Variants in DLG2 observed in about 807,000 individuals in gnomAD.
DLG2 encodes the protein disks large homolog 2.
Under a neutral mutation model 132.5 loss-of-function variants are expected in DLG2, and 45 were observed. The observed-to-expected ratio is 0.34, with a 90% CI of 0.27 to 0.44. DLG2 has a LOEUF of 0.44. DLG2 is among the 20% of genes least tolerant of loss of function. The pLI is 1.00. For synonymous variants in DLG2, 424 were observed against 419.6 expected, an observed-to-expected ratio of 1.01 and a Z score of -0.13; for missense variants, 1,045 against 1,196.9, an observed-to-expected ratio of 0.87 and a Z score of 1.87.
chr11:85,066,932 GC>G (rs1437369568), intron 6 of DLG2, among the ~76,000 whole-genome samples: 2 of 151,710 alleles, frequency 1.3e-5, no homozygotes, highest in African/African-American at 2.4e-5. Context: ...CCTAGTTAGA[GC>G]CATCAGGCAA....
intron 6 of DLG2, among the ~76,000 whole-genome samples, chr11:84,753,607 G>C (rs1372675329): frequency 1.3e-5 from 2 of 152,188 alleles, no homozygotes; most frequent in Non-Finnish European, 2.9e-5. Flanking sequence ...GGATATCAAG[G>C]CAGAGCTATT....
intron 6 of DLG2, among the ~76,000 whole-genome samples, chr11:84,690,913 T>C (rs541841326): frequency 1.3e-4 from 20 of 152,018 alleles, no homozygotes; most frequent in African/African-American, 4.6e-4. Flanking sequence ...TTGTGGCATA[T>C]ATGATATTTT....
intron 20 of DLG2, among the ~76,000 whole-genome samples, chr11:83,533,729 A>G (rs2095815199): frequency 6.6e-6 from 1 of 152,212 alleles, no homozygotes; most frequent in African/African-American, 2.4e-5. Context: ...TAGGGGATAT[A>G]TAGGATAGGG....
chr11:84,375,229 A>G (rs1567455653), intron 7 of DLG2, among the ~76,000 whole-genome samples: 1 of 152,204 alleles, frequency 6.6e-6, no homozygotes, highest in African/African-American at 2.4e-5. Flanking sequence ...CTTTAAAAGA[A>G]GGGTTCTTGT....
chr11:84,051,972 T>A (rs566283037), intron 11 of DLG2, among the ~76,000 whole-genome samples: 15 of 151,726 alleles, frequency 9.9e-5, no homozygotes, highest in African/African-American at 3.4e-4. Flanking sequence ...ATCGTTTGAA[T>A]AAATGGAGAG....
At chr11:83,685,476 A>G (rs1189217417) in intron 18 of DLG2, among the ~76,000 whole-genome samples, 1 of 152,054 alleles carries the variant, frequency 6.6e-6, no homozygotes, top group Non-Finnish European at 1.5e-5. Context: ...TGAATCGATC[A>G]TTGTCTCTGT....
chr11:84,442,629 T>C (rs1011544735), intron 7 of DLG2, among the ~76,000 whole-genome samples: 2 of 151,670 alleles, frequency 1.3e-5, no homozygotes, highest in Admixed American at 1.3e-4. Flanking sequence ...TGTATACCTA[T>C]CTAACAAACT....
chr11:85,378,448 A>G (rs1364926460), intron 3 of DLG2, among the ~76,000 whole-genome samples: 1 of 152,132 alleles, frequency 6.6e-6, no homozygotes, highest in East Asian at 1.9e-4. Flanking sequence ...TCATATGTAA[A>G]ATGAAAATGA....
intron 6 of DLG2, among the ~76,000 whole-genome samples, chr11:84,883,523 A>T (rs929681572): frequency 5.3e-5 from 8 of 152,048 alleles, no homozygotes; most frequent in African/African-American, 1.9e-4. Flanking sequence ...CAAAGACATT[A>T]AAAAAAGAAA....
At chr11:83,651,411 G>A (rs986180276) in intron 18 of DLG2, among the ~76,000 whole-genome samples, 3 of 152,200 alleles carry the variant, frequency 2.0e-5, no homozygotes, top group Non-Finnish European at 2.9e-5. Context: ...TAGCTTGGGT[G>A]ACAGGGTGAA....
At chr11:83,591,667 A>T (rs1334966794) in intron 19 of DLG2, among the ~76,000 whole-genome samples, 60 of 143,190 alleles carry the variant, frequency 4.2e-4, no homozygotes, top group African/African-American at 1.5e-3. Flanking sequence ...GAAGGAAATA[A>T]AGGGTATTCA....
chr11:83,472,673 A>G (rs2092201666), intron 23 of DLG2, 54 bp downstream of exon 23: 1 of 1,498,092 alleles, frequency 6.7e-7, no homozygotes, highest in Non-Finnish European at 9.2e-7. Context: ...TCCTTCAATG[A>G]TGTCACCTCT....
chr11:83,565,163 C>G (rs2096683250), intron 19 of DLG2, among the ~76,000 whole-genome samples: 1 of 152,148 alleles, frequency 6.6e-6, no homozygotes, highest in Non-Finnish European at 1.5e-5. Flanking sequence ...AAGGCCACCT[C>G]AGTACTCTGT....
chr11:84,261,624 A>C (rs2097548705), intron 7 of DLG2, among the ~76,000 whole-genome samples: 1 of 152,168 alleles, frequency 6.6e-6, no homozygotes, highest in Admixed American at 6.5e-5. Flanking sequence ...TTGATAGCTA[A>C]TTGGTTCATG....
chr11:83,572,712 G>T (rs1260156714), intron 19 of DLG2, among the ~76,000 whole-genome samples: 1 of 152,190 alleles, frequency 6.6e-6, no homozygotes, highest in Non-Finnish European at 1.5e-5. Context: ...AGCTTCTGCT[G>T]GAGCATCTGC....
intron 6 of DLG2, among the ~76,000 whole-genome samples, chr11:85,084,975 C>T (rs633703): frequency 0.38 from 57,499 of 151,920 alleles, 11,108 homozygotes; most frequent in South Asian, 0.57. Flanking sequence ...ACATGTTCTC[C>T]ATAAACTGTT....
At chr11:84,519,062 C>G (rs1230107411) in intron 7 of DLG2, among the ~76,000 whole-genome samples, 1 of 152,108 alleles carries the variant, frequency 6.6e-6, no homozygotes, top group East Asian at 1.9e-4. Flanking sequence ...TTATAAGCAA[C>G]TCACCCTGCC....
At chr11:84,646,136 G>T (rs1555129314) in intron 6 of DLG2, among the ~76,000 whole-genome samples, 1 of 152,158 alleles carries the variant, frequency 6.6e-6, no homozygotes, top group Non-Finnish European at 1.5e-5. Context: ...TGGGGGTGCG[G>T]CTGTATTCTC....
intron 6 of DLG2, among the ~76,000 whole-genome samples, chr11:84,714,647 T>TTCTCTCTCTCTCTCTCTCTCTCTCTCTC (rs754541162): frequency 1.1e-5 from 1 of 90,650 alleles, no homozygotes; most frequent in African/African-American, 5.9e-5. Flanking sequence ...CTCTCTCTCT[T>TTCTCTCTCTCTCTCTCTCTCTCTCTCTC]TCTCTCTCTC....
Sources: gnomAD v4.1 joint callset for allele counts (sites outside exome capture counted in the v4.1 genomes callset) on GRCh38, gnomAD v4.1.1 for gene constraint, MANE v1.5 for transcripts, NCBI Gene and HGNC (gene_info 2026-07-23, HGNC 2026-07-21) for gene names.